Variants in LAMA2 observed in about 807,000 individuals in gnomAD.
LAMA2 encodes the protein laminin subunit alpha 2.
In LAMA2, 269 loss-of-function variants were observed where a neutral mutation model predicts 364.8. The observed-to-expected ratio is 0.74, with a 90% CI of 0.67 to 0.82. The LOEUF (loss-of-function observed/expected upper bound fraction) is 0.82, where lower values mean the gene tolerates loss of function less well. Among genes scored for constraint, LAMA2 ranks in the 40% least tolerant of loss-of-function variants. LAMA2 has a pLI of 0.00. For missense variants in LAMA2, 3,807 were observed against 3,873.2 expected, an observed-to-expected ratio of 0.98 and a Z score of 0.45; for synonymous variants, 1,379 against 1,370.6, an observed-to-expected ratio of 1.01 and a Z score of -0.14.
chr6:129,216,696 G>T (rs1783444928), intron 12 of LAMA2, among the ~76,000 whole-genome samples: 1 of 151,922 alleles, frequency 6.6e-6, no homozygotes, highest in East Asian at 1.9e-4. Context: ...AAATAATAAA[G>T]AAAACTAATA....
intron 15 of LAMA2, among the ~76,000 whole-genome samples, chr6:129,261,454 T>C (rs1272627884): frequency 6.6e-6 from 1 of 152,174 alleles, no homozygotes; most frequent in Admixed American, 6.6e-5. Context: ...CATCCTAAGG[T>C]AACAATTTTT....
intron 51 of LAMA2, among the ~76,000 whole-genome samples, chr6:129,471,914 T>C (rs183935842): frequency 2.8e-4 from 43 of 152,146 alleles, no homozygotes; most frequent in African/African-American, 1.0e-3. Flanking sequence ...AGACACATCT[T>C]TTTGAAATGA....
At chr6:129,413,917 A>G (rs566367058) in intron 40 of LAMA2, among the ~76,000 whole-genome samples, 3 of 152,202 alleles carry the variant, frequency 2.0e-5, no homozygotes, top group East Asian at 1.9e-4. Flanking sequence ...AAGGAAAGGC[A>G]TTAGACAGGG....
Position 129,222,705 on chromosome 6 carries a change from G to A in LAMA2, c.1783-27407G>A, listed in dbSNP as rs567603104. Among the ~76,000 whole-genome samples, 13 of 152,142 alleles carry A rather than the reference G, an allele frequency of 8.5e-5. No homozygotes were observed. The East Asian group carries it at 2.1e-3, about 25-fold the overall frequency. The stretch of plus-strand genomic sequence containing the variant: ...TTTTATGGCTGCATAGTATTCCATG[G>A]TGTATACATGCCACATTTTCTTAAT... On this transcript the variant is annotated intron_variant, in intron 12 of 64. Coordinates refer to ENST00000421865, the MANE Select transcript of LAMA2 (RefSeq NM_000426.4).
intron 3 of LAMA2, among the ~76,000 whole-genome samples, chr6:129,068,682 C>T (rs1773098792): frequency 6.6e-6 from 1 of 152,146 alleles, no homozygotes; most frequent in Non-Finnish European, 1.5e-5. Flanking sequence ...AATTTTCTTC[C>T]AGTTCCTATG....
In LAMA2 at chr6:129,465,140, A is replaced by C. The variant is rs1783475428; in HGVS notation, c.7156-5A>C. On this transcript the variant is annotated splice_region_variant and splice_polypyrimidine_tract_variant and intron_variant, in intron 50 of 64. Coordinates refer to ENST00000421865, the MANE Select transcript of LAMA2 (RefSeq NM_000426.4). Reference sequence around the variant, plus strand: ...ACCACTGGGGTATGTTTACTCTATTAATAGAGAGATTTCATGAGTGTGGAG... The same window carrying C: ...ACCACTGGGGTATGTTTACTCTATTCATAGAGAGATTTCATGAGTGTGGAG... 3 of 1,606,910 alleles carry C rather than the reference A, an allele frequency of 1.9e-6. No homozygotes were observed. Among genetic ancestry groups the C allele is most frequent in the Non-Finnish European group, 2.6e-6 (3 of 1,174,006 alleles).
intron 1 of LAMA2, among the ~76,000 whole-genome samples, chr6:129,014,922 A>G (rs1479532466): frequency 6.6e-6 from 1 of 152,070 alleles, no homozygotes; most frequent in African/African-American, 2.4e-5. Context: ...ATCAATAATG[A>G]GTATATCACG....
intron 12 of LAMA2, among the ~76,000 whole-genome samples, chr6:129,237,587 G>A (rs573892007): frequency 1.4e-3 from 211 of 152,174 alleles, no homozygotes; most frequent in African/African-American, 4.7e-3. Flanking sequence ...ACCCTTCTCA[G>A]CCTCCCAAAG....
At chr6:128,967,538 A>G (rs1781918935) in intron 1 of LAMA2, among the ~76,000 whole-genome samples, 1 of 152,180 alleles carries the variant, frequency 6.6e-6, no homozygotes, top group African/African-American at 2.4e-5. Context: ...ATACTGTGCT[A>G]AGGGGGTGAC....
At chr6:129,260,565 G>C in intron 14 of LAMA2, 146 bp from the exon 15 acceptor site, 1 of 700,436 alleles carries the variant, frequency 1.4e-6, no homozygotes, top group Non-Finnish European at 2.6e-6. Context: ...CAAAGGACCA[G>C]AGCTTTTGGT....
At chr6:129,480,649 T>G (rs569595989) in intron 54 of LAMA2, among the ~76,000 whole-genome samples, 68 of 151,994 alleles carry the variant, frequency 4.5e-4, no homozygotes, top group African/African-American at 1.5e-3. Flanking sequence ...CTTTTGCACC[T>G]TATTTACATT....
chr6:129,178,003 C>A, intron 10 of LAMA2, 137 bp downstream of exon 10: 2 of 892,740 alleles, frequency 2.2e-6, no homozygotes, highest in Non-Finnish European at 3.6e-6. Flanking sequence ...GTGTGGTGAC[C>A]CACCAGGTTC....
chr6:128,959,885 A>C (rs1781371197), intron 1 of LAMA2, among the ~76,000 whole-genome samples: 1 of 151,994 alleles, frequency 6.6e-6, no homozygotes, highest in Non-Finnish European at 1.5e-5. Context: ...TAAAATTTTT[A>C]TTACTTTAAA....
At chr6:129,105,368 G>T (rs565101972) in intron 4 of LAMA2, among the ~76,000 whole-genome samples, 1 of 152,240 alleles carries the variant, frequency 6.6e-6, no homozygotes, top group Admixed American at 6.5e-5. Flanking sequence ...TACAAGAACT[G>T]CCACTTGGAA....
At chr6:129,501,040 G>GC (rs1302938663) in intron 58 of LAMA2, among the ~76,000 whole-genome samples, 1 of 152,108 alleles carries the variant, frequency 6.6e-6, no homozygotes, top group Non-Finnish European at 1.5e-5. Flanking sequence ...GTGAAATTCT[G>GC]CCCCCAGTGG....
chr6:129,114,069 T>C (rs1000965983), intron 4 of LAMA2, among the ~76,000 whole-genome samples: 1 of 151,994 alleles, frequency 6.6e-6, no homozygotes, highest in African/African-American at 2.4e-5. Context: ...TACTAAAATT[T>C]GTTTTAAATA....
At chr6:129,309,470 G>GATAACTTC (rs1185215814) in intron 22 of LAMA2, among the ~76,000 whole-genome samples, 1 of 152,122 alleles carries the variant, frequency 6.6e-6, no homozygotes, top group Non-Finnish European at 1.5e-5. Context: ...CAATTATTTG[G>GATAACTTC]ATAACTTCAT....
At chr6:129,038,466 A>G (rs1181968520) in intron 1 of LAMA2, among the ~76,000 whole-genome samples, 2 of 152,218 alleles carry the variant, frequency 1.3e-5, no homozygotes, top group African/African-American at 4.8e-5. Context: ...ATACCATATA[A>G]CTTGCAGAGT....
At chr6:129,251,026 C>G (rs1045629667) in intron 13 of LAMA2, among the ~76,000 whole-genome samples, 1 of 132,388 alleles carries the variant, frequency 7.6e-6, no homozygotes, top group South Asian at 2.4e-4. Context: ...TTCTCTCTCT[C>G]TCTGTCTCTC....
Sources: gnomAD v4.1 joint callset for allele counts (sites outside exome capture counted in the v4.1 genomes callset) on GRCh38, gnomAD v4.1.1 for gene constraint, MANE v1.5 for transcripts, NCBI Gene and HGNC (gene_info 2026-07-23, HGNC 2026-07-21) for gene names.